The following MRPS15 variants were observed in gnomAD, a reference collection of about 807,000 sequenced individuals.
The protein encoded by MRPS15 is mitochondrial ribosomal protein S15.
In MRPS15, 25 loss-of-function variants were observed where a neutral mutation model predicts 30.7. The ratio of observed to expected loss-of-function variants is 0.81; its 90% CI spans 0.59 to 1.14. The LOEUF (loss-of-function observed/expected upper bound fraction) is 1.14, where lower values mean the gene tolerates loss of function less well. MRPS15 is among the 50% of genes most tolerant of loss of function. The probability of loss-of-function intolerance (pLI) is 0.00; values close to 1 mark genes in which losing one functional copy is unlikely to be tolerated. For missense variants in MRPS15, 313 were observed against 321.7 expected (o/e 0.97, Z 0.21); for synonymous variants, 124 against 120.1 (o/e 1.03, Z -0.21).
chr1:36,455,825 G>A lies in MRPS15; in HGVS notation c.737C>T (p.Ala246Val). 1.2e-6 allele frequency: 2 copies of A among 1,614,144 alleles called. No individual in the cohort carries two copies. The highest frequency in any genetic ancestry group is 2.2e-5 in the South Asian group (2 of 91,084). The change falls in exon 8 of 8, where the codon GCC becomes GTC. Residue 246 changes from alanine to valine, a missense_variant. Coordinates refer to ENST00000373116, the MANE Select transcript of MRPS15 (RefSeq NM_031280.4). ...QAKRRNPDSP[A>V]KAIPKTLKDS... is the part of the protein sequence containing the mutation. ...TTTGAGTGTCTTTGGTATGGCTTTGGCAGGGCTGTCTGGGTTCCTCCGCTT... is the reference window on the plus strand; with the variant it reads ...TTTGAGTGTCTTTGGTATGGCTTTGACAGGGCTGTCTGGGTTCCTCCGCTT...
chr1:36,458,167 A>T lies in MRPS15; in HGVS notation c.386-186T>A. 1 of 548,998 alleles carries T rather than the reference A, an allele frequency of 1.8e-6. No homozygotes were observed. The highest frequency in any genetic ancestry group is 3.3e-6 in the Non-Finnish European group (1 of 302,444). The allele number at this position is 548,998 out of a possible 1,614,324, so 34.0% of individuals were successfully genotyped here. A position where few individuals can be genotyped will look rare whatever the true frequency, so the allele number is the denominator to read the frequency against. On this transcript the variant is annotated intron_variant, in intron 5 of 7. Transcript: ENST00000373116. The surrounding 1 kb of genome is among the most constrained non-coding windows in gnomAD (Gnocchi z 4.5). ...TCTTAGACATTACCTTCCCTTAAAAAGCAAAATCCAAGGAAGGGACATCCC... is the reference window on the plus strand; with the variant it reads ...TCTTAGACATTACCTTCCCTTAAAATGCAAAATCCAAGGAAGGGACATCCC...
At chr1:36,460,545 T>C in intron 5 of MRPS15, 147 bp downstream of exon 5, 1 of 641,142 alleles carries the variant, frequency 1.6e-6, no homozygotes. Flanking sequence ...GAGCTTGGGA[T>C]ACAGGGTCCA....
chr1:36,463,765 G>A (rs1406994700), intron 2 of MRPS15, 41 bp downstream of exon 2: 1 of 1,592,346 alleles, frequency 6.3e-7, no homozygotes. Flanking sequence ...CCTTCCAGGA[G>A]GTCTCTCTTC....
chr1:36,463,751 C>T (rs933008849), intron 2 of MRPS15, 55 bp downstream of exon 2: 4 of 1,578,632 alleles, frequency 2.5e-6, no homozygotes, highest in Non-Finnish European at 3.4e-6. Context: ...CTTACCCACC[C>T]CAGCCTTCCA....
At position 36,461,949 on chromosome 1, in the gene MRPS15, C is replaced by CTGTGTCCAGTGTGG. The variant is rs1400384559; in HGVS notation, c.251+138_251+139insCCACACTGGACACA. 6.4e-5 allele frequency: 44 copies of CTGTGTCCAGTGTGG among 692,454 alleles called. 1 individual carries two copies. The East Asian group carries it at 8.2e-4, about 13-fold the overall frequency. 42.9% of individuals were successfully genotyped at this position (692,454 alleles called of 1,614,324 possible). ...TGCTGACCACCCACCCTCACCACAC[C>CTGTGTCCAGTGTGG]TGGACACCTGGGCCCCTGCCTCCTT... On this transcript the variant is annotated intron_variant, in intron 3 of 7. Transcript: ENST00000373116.
At chr1:36,463,766 G>A (rs746923881) in intron 2 of MRPS15, 40 bp downstream of exon 2, 23 of 1,593,724 alleles carry the variant, frequency 1.4e-5, no homozygotes, top group South Asian at 3.4e-5. Flanking sequence ...CTTCCAGGAG[G>A]TCTCTCTTCC....
At chr1:36,457,843 C>T (rs1021593493) in intron 6 of MRPS15, 80 bp downstream of exon 6, 50 of 1,398,068 alleles carry the variant, frequency 3.6e-5, no homozygotes, top group Non-Finnish European at 4.9e-5. Context: ...GCCTCCTTCT[C>T]TGGACCCAGA....
At position 36,462,149 on chromosome 1, in the gene MRPS15, C is replaced by T. The variant is rs375413554; in HGVS notation, c.190G>A (p.Asp64Asn). ...VVRKPAQSRL[D>N]DDPPPSTLLK... Reference sequence around the variant, plus strand: ...AGCGTAGAGGGAGGTGGGTCATCATCCAGCCTAGACTGGGCTGTCAAGTAA... The same window carrying T: ...AGCGTAGAGGGAGGTGGGTCATCATTCAGCCTAGACTGGGCTGTCAAGTAA... Residue 64 changes from aspartate (D) to asparagine (N), a missense_variant, in exon 3 of 8, where the codon GAT (aspartate) becomes AAT (asparagine). Physicochemically the swap from Asp to Asn is conservative, Grantham distance 23 (BLOSUM62 1). Coordinates refer to ENST00000373116, the MANE Select transcript of MRPS15 (RefSeq NM_031280.4). 8.6e-5 allele frequency: 138 copies of T among 1,612,606 alleles called. No individual in the cohort carries two copies. The highest frequency in any genetic ancestry group is 1.1e-4 in the Non-Finnish European group (131 of 1,179,100).
At position 36,461,799 on chromosome 1, in the gene MRPS15, G is replaced by A. The variant is rs138463990; in HGVS notation, c.251+289C>T. On this transcript the variant is annotated intron_variant, in intron 3 of 7. Transcript: ENST00000373116. ...GACATACAGCTTTTGTGAGGAACAA[G>A]AGATGAGAGATTTCTACAAAGACCT... Among the ~76,000 whole-genome samples, 592 of 152,252 alleles carry A rather than the reference G, an allele frequency of 3.9e-3. 1 individual carries two copies. Among genetic ancestry groups the A allele is most frequent in the Non-Finnish European group, 7.0e-3 (474 of 68,008 alleles).
intron 2 of MRPS15, among the ~76,000 whole-genome samples, chr1:36,462,723 C>A (rs1199159094): frequency 6.6e-6 from 1 of 152,210 alleles, no homozygotes; most frequent in African/African-American, 2.4e-5. Context: ...TCCAGTCAGA[C>A]CCTGCTATGC....
rs75293886 is a variant in MRPS15, at chr1:36,461,736, T to G, written c.251+352A>C. Among the ~76,000 whole-genome samples, 795 of 152,308 alleles carry G rather than the reference T, an allele frequency of 5.2e-3. 7 individuals are homozygous for G. Among genetic ancestry groups the G allele is most frequent in the African/African-American group, 0.018 (740 of 41,556 alleles). On this transcript the variant is annotated intron_variant, in intron 3 of 7. Transcript: ENST00000373116. ...AAACTCTAGCTCTGCCCTTTAGAACTGTATGACACTGGACAGCTTGAAAAT... is the reference window on the plus strand; with the variant it reads ...AAACTCTAGCTCTGCCCTTTAGAACGGTATGACACTGGACAGCTTGAAAAT...
At position 36,458,039 on chromosome 1, in the gene MRPS15, C is replaced by G. The variant is rs1650031470; in HGVS notation, c.386-58G>C. ...GGCACAGAGGAAGGAAGGGCCCAGG[C>G]CTGGTTTACGTTTTAAGAACTCAAG... On this transcript the variant is annotated intron_variant, in intron 5 of 7. Transcript: ENST00000373116. The surrounding 1 kb of genome is among the most constrained non-coding windows in gnomAD (Gnocchi z 4.5). 1 of 1,486,746 alleles carries G rather than the reference C, an allele frequency of 6.7e-7. No homozygotes were observed. The allele number at this position is 1,486,746 out of a possible 1,614,324, so 92.1% of individuals were successfully genotyped here. A position where few individuals can be genotyped will look rare whatever the true frequency, so the allele number is the denominator to read the frequency against.
At chr1:36,462,397 C>G (rs933171745) in intron 2 of MRPS15, among the ~76,000 whole-genome samples, 2 of 152,328 alleles carry the variant, frequency 1.3e-5, no homozygotes, top group Middle Eastern at 6.8e-3. Context: ...TGTGCCTGCA[C>G]CTTTCACACA....
chr1:36,464,059 A>T lies in MRPS15; in HGVS notation c.130+87T>A, dbSNP rs566005082. 683 of 1,544,680 alleles carry T rather than the reference A, an allele frequency of 4.4e-4. 4 individuals are homozygous for T. The African/African-American group carries it at 8.1e-3, about 18-fold the overall frequency. Reference sequence around the variant, plus strand: ...TTCCCCCTTATCCTGACCGCTGTATATCTCCCCTACTCCTGTGCTTCCTTA... The same window carrying T: ...TTCCCCCTTATCCTGACCGCTGTATTTCTCCCCTACTCCTGTGCTTCCTTA... On this transcript the variant is annotated intron_variant, in intron 1 of 7. Transcript: ENST00000373116.
At position 36,458,065 on chromosome 1, in the gene MRPS15, G is replaced by T. The variant is rs558887291; in HGVS notation, c.386-84C>A. 2 of 1,156,468 alleles carry T rather than the reference G, an allele frequency of 1.7e-6. No individual in the cohort carries two copies. The highest frequency in any genetic ancestry group is 2.6e-6 in the Non-Finnish European group (2 of 762,772). 71.6% of individuals were successfully genotyped at this position (1,156,468 alleles called of 1,614,324 possible). ...CTGGTTTACGTTTTAAGAACTCAAG[G>T]AATAACAATCACCAATGCTCTGTAC... On this transcript the variant is annotated intron_variant, in intron 5 of 7. Transcript: ENST00000373116. This position sits in a 1 kb window ranked among gnomAD's most constrained non-coding sequence, Gnocchi z 4.5.
chr1:36,462,137 G>T lies in MRPS15; in HGVS notation c.202C>A (p.Pro68Thr). The T allele has an allele frequency of 3.1e-6, 5 of 1,613,222 alleles. No homozygotes were observed. The highest frequency in any genetic ancestry group is 4.2e-6 in the Non-Finnish European group (5 of 1,179,422). ...TAGTCTTTGAGCAGCGTAGAGGGAG[G>T]TGGGTCATCATCCAGCCTAGACTGG... Reference protein sequence around the residue: ...PAQSRLDDDPPPSTLLKDYQN... With the variant: ...PAQSRLDDDPTPSTLLKDYQN... The change falls in exon 3 of 8, where the codon CCT becomes ACT. Residue 68 changes from proline (P) to threonine (T), a missense_variant. By Grantham distance (38) the Pro-to-Thr change is conservative (BLOSUM62 -1). Coordinates refer to ENST00000373116, the MANE Select transcript of MRPS15 (RefSeq NM_031280.4).
intron 6 of MRPS15, among the ~76,000 whole-genome samples, chr1:36,456,786 C>T (rs1650001843): frequency 6.6e-6 from 1 of 152,212 alleles, no homozygotes; most frequent in Non-Finnish European, 1.5e-5. Flanking sequence ...TGTGAAGGAC[C>T]TCTGCAGTAG....
At chr1:36,457,312 G>T (rs2124078313) in intron 6 of MRPS15, among the ~76,000 whole-genome samples, 1 of 151,154 alleles carries the variant, frequency 6.6e-6, no homozygotes, top group African/African-American at 2.4e-5. Flanking sequence ...TATGGGTCTT[G>T]GAGCAAGACT....
Position 36,463,831 on chromosome 1 carries a change from C to A in MRPS15, c.150G>T (p.Ala50=). ...CTGGTTTCCGGACGACATATCCGCG[C>A]GCGGCCTGGAGGAGGAGACCTACGC... ...LQPRSLLLQA[A]RGYVVRKPAQ... Residue 50 remains alanine (A), a synonymous_variant, in exon 2 of 8, where the codon GCG becomes GCT. Coordinates refer to ENST00000373116, the MANE Select transcript of MRPS15 (RefSeq NM_031280.4). The A allele has an allele frequency of 6.2e-7, 1 of 1,612,840 alleles. No homozygotes were observed. The highest frequency in any genetic ancestry group is 8.5e-7 in the Non-Finnish European group (1 of 1,179,250).
Sources: gnomAD v4.1 joint callset for allele counts (sites outside exome capture counted in the v4.1 genomes callset) on GRCh38, gnomAD v4.1.1 for gene constraint, Gnocchi (gnomAD v3.1) non-coding constraint, MANE v1.5 for transcripts, NCBI Gene and HGNC (gene_info 2026-07-23, HGNC 2026-07-21) for gene names.